Variants in KCNN1 observed in about 807,000 individuals in gnomAD.
The protein encoded by KCNN1 is potassium calcium-activated channel subfamily N member 1.
Under a neutral mutation model 44.7 loss-of-function variants are expected in KCNN1, and 20 were observed. The ratio of observed to expected loss-of-function variants is 0.45; its 90% confidence interval spans 0.32 to 0.65. KCNN1 has a LOEUF of 0.65. Ranked by LOEUF, KCNN1 falls within the 30% of genes least tolerant of loss-of-function variation. The probability of loss-of-function intolerance (pLI) is 0.05; values close to 1 mark genes in which losing one functional copy is unlikely to be tolerated. For missense variants in KCNN1, 632 were observed against 785.3 expected (o/e 0.80, Z 2.33); for synonymous variants, 324 against 341.7 (o/e 0.95, Z 0.57).
intron 4 of KCNN1, among the ~76,000 whole-genome samples, chr19:17,985,044 G>A (rs186341465): frequency 1.4e-4 from 22 of 152,124 alleles, no homozygotes; most frequent in East Asian, 5.8e-4. Flanking sequence ...TGTGTCTGTC[G>A]TTGGGAGGGG....
intron 6 of KCNN1, among the ~76,000 whole-genome samples, chr19:17,989,232 CG>C (rs1212359328): frequency 3.3e-5 from 5 of 151,846 alleles, no homozygotes; most frequent in African/African-American, 1.2e-4. Flanking sequence ...CCGAGGCGGG[CG>C]GATCACTTGA....
chr19:17,965,247 C>G (rs1461485592), upstream of KCNN1, among the ~76,000 whole-genome samples: 1 of 150,420 alleles, frequency 6.6e-6, no homozygotes, highest in Non-Finnish European at 1.5e-5. Context: ...GCACTCCAGC[C>G]TGGGCGACAA....
upstream of KCNN1, among the ~76,000 whole-genome samples, chr19:17,965,014 G>A (rs569875493): frequency 2.4e-4 from 37 of 152,150 alleles, no homozygotes; most frequent in Middle Eastern, 3.2e-3. Context: ...GGTGGCTCAC[G>A]CCTGTAATCC....
At chr19:17,968,478 C>T (rs2031899547) in intron 1 of KCNN1, among the ~76,000 whole-genome samples, 1 of 152,034 alleles carries the variant, frequency 6.6e-6, no homozygotes, top group African/African-American at 2.4e-5. Context: ...AAGGAGTGGG[C>T]AGTAACTTGC....
At chr19:17,959,350 C>T (rs2145902517) in intron 2 of KCNN1, among the ~76,000 whole-genome samples, 1 of 152,110 alleles carries the variant, frequency 6.6e-6, no homozygotes. Context: ...CCTCCGCCTC[C>T]TAGGTTCAAG....
Position 17,989,697 on chromosome 19 carries a change from GTTCT to G in KCNN1, c.1171-16_1171-13del. The G allele has an allele frequency of 6.2e-7, 1 of 1,613,590 alleles. No individual in the cohort carries two copies. Among genetic ancestry groups the G allele is most frequent in the Non-Finnish European group, 8.5e-7 (1 of 1,179,784 alleles). On this transcript the variant is annotated splice_polypyrimidine_tract_variant and intron_variant, in intron 6 of 9. Transcript: ENST00000684775. The stretch of plus-strand genomic sequence containing the variant: ...AATTTCGCGCCAACCCTGAGGAATT[GTTCT>G]TTTTCTGGCCCCAGGTAAAAAACGC...
chr19:17,968,328 G>A (rs1051559584), intron 1 of KCNN1, among the ~76,000 whole-genome samples: 8 of 150,316 alleles, frequency 5.3e-5, no homozygotes, highest in Non-Finnish European at 4.4e-5. Flanking sequence ...CAGTTCTGAA[G>A]AACAGAAATC....
At chr19:17,953,321 G>A (rs1402492229) in intron 1 of KCNN1, among the ~76,000 whole-genome samples, 2 of 152,192 alleles carry the variant, frequency 1.3e-5, no homozygotes, top group African/African-American at 4.8e-5. Flanking sequence ...AGTGACCTTG[G>A]ACAAGGCCCT....
intron 2 of KCNN1, among the ~76,000 whole-genome samples, chr19:17,956,828 C>T (rs1014247016): frequency 2.6e-5 from 4 of 151,576 alleles, no homozygotes; most frequent in South Asian, 4.2e-4. Context: ...CCGAGGTGGG[C>T]GGATAATGAG....
In KCNN1 at chr19:17,993,075, C is replaced by G; in HGVS notation, c.1307+13C>G. 6.2e-7 allele frequency: 1 copy of G among 1,613,716 alleles called. No individual in the cohort carries two copies. The highest frequency in any genetic ancestry group is 1.1e-5 in the South Asian group (1 of 91,022). ...CCAGGGCTCAGAAGTAAGTGTTCTC[C>G]CAGGGGCTTGGTGGGGCTGGGAAAT... On this transcript the variant is annotated intron_variant, in intron 8 of 9. Coordinates refer to ENST00000684775, the MANE Select transcript of KCNN1 (RefSeq NM_001386974.1). The surrounding 1 kb of genome is among the most constrained non-coding windows in gnomAD (Gnocchi z 4.5).
chr19:17,964,089 G>A (rs944679885), upstream of KCNN1, among the ~76,000 whole-genome samples: 1 of 152,202 alleles, frequency 6.6e-6, no homozygotes, highest in Admixed American at 6.5e-5. The surrounding 1 kb of genome is among the most constrained non-coding windows in gnomAD (Gnocchi z 4.3). Flanking sequence ...GCTCAGAGAA[G>A]GGGCTATGTG....
chr19:17,984,519 G>T (rs113048377), intron 4 of KCNN1, among the ~76,000 whole-genome samples: 1 of 152,152 alleles, frequency 6.6e-6, no homozygotes, highest in East Asian at 1.9e-4. Context: ...GGTCAGAGGG[G>T]GCCCAGTCTC....
In KCNN1 at chr19:17,988,407, G is replaced by A; in HGVS notation, c.1060-8G>A. The A allele has an allele frequency of 1.2e-6, 2 of 1,608,142 alleles. No homozygotes were observed. The highest frequency in any genetic ancestry group is 8.5e-7 in the Non-Finnish European group (1 of 1,177,330). ...GACGCTGATGTGCCCCCTCTGCCCTGCACACAGGGAGCTGGCTGTACCGCG... is the reference window on the plus strand; with the variant it reads ...GACGCTGATGTGCCCCCTCTGCCCTACACACAGGGAGCTGGCTGTACCGCG... On this transcript the variant is annotated splice_region_variant and splice_polypyrimidine_tract_variant and intron_variant, in intron 5 of 9. Coordinates refer to ENST00000684775, the MANE Select transcript of KCNN1 (RefSeq NM_001386974.1).
chr19:17,963,676 G>A (rs1299016718), upstream of KCNN1, among the ~76,000 whole-genome samples: 2 of 150,368 alleles, frequency 1.3e-5, no homozygotes, highest in Non-Finnish European at 3.0e-5. Flanking sequence ...CCCTGTCCTC[G>A]TTCTTAGTTC....
intron 5 of KCNN1, among the ~76,000 whole-genome samples, chr19:17,988,154 CAAA>C (rs59928660): frequency 7.5e-5 from 4 of 53,536 alleles, no homozygotes; most frequent in Admixed American, 2.3e-4. Flanking sequence ...GACTCCATCT[CAAA>C]AAAAAAAAAA....
At chr19:17,979,294 G>T (rs1028052983) in intron 3 of KCNN1, among the ~76,000 whole-genome samples, 5 of 151,454 alleles carry the variant, frequency 3.3e-5, no homozygotes, top group Non-Finnish European at 2.9e-5. Context: ...TTAGCCAGGC[G>T]TGGTGGCGGG....
intron 3 of KCNN1, among the ~76,000 whole-genome samples, 159 bp downstream of exon 3, chr19:17,975,346 C>T (rs918929688): frequency 2.0e-5 from 3 of 152,164 alleles, no homozygotes; most frequent in Non-Finnish European, 4.4e-5. Context: ...TTCCATCATT[C>T]TAGATTTCCT....
At chr19:17,982,500 C>T (rs2032452506) in intron 4 of KCNN1, 1 of 966,946 alleles carries the variant, frequency 1.0e-6, no homozygotes, top group Non-Finnish European at 1.2e-6. Flanking sequence ...TCCCCGTCCC[C>T]TCTGTCTCCC....
intron 1 of KCNN1, among the ~76,000 whole-genome samples, chr19:17,970,238 G>T (rs1018503320): frequency 1.3e-5 from 2 of 150,488 alleles, no homozygotes; most frequent in Non-Finnish European, 3.0e-5. Context: ...GGGTGGGAAG[G>T]GGTGGGACAA....
Sources: allele counts gnomAD v4.1 joint callset (sites outside exome capture counted in the v4.1 genomes callset), GRCh38; gene constraint gnomAD v4.1.1; non-coding constraint Gnocchi (gnomAD v3.1); transcripts MANE v1.5; gene names NCBI Gene and HGNC (gene_info 2026-07-23, HGNC 2026-07-21).